Variants in RBFOX2 observed in about 807,000 individuals in gnomAD.
The protein encoded by RBFOX2 is RNA binding fox-1 homolog 2.
A neutral mutation model predicts 49.1 loss-of-function variants in RBFOX2; 10 were observed. The ratio of observed to expected loss-of-function variants is 0.20; its 90% CI spans 0.13 to 0.35. RBFOX2 has a LOEUF of 0.35. RBFOX2 is among the 10% of genes least tolerant of loss of function. The pLI, the probability that RBFOX2 is intolerant of heterozygous loss-of-function variation, is 1.00. For synonymous variants in RBFOX2, 183 were observed against 187.4 expected (o/e 0.98, Z 0.19); for missense variants, 323 against 486.9 (o/e 0.66, Z 3.17).
At chr22:35,904,121 G>A (rs974546476) in intron 1 of RBFOX2, among the ~76,000 whole-genome samples, 4 of 151,162 alleles carry the variant, frequency 2.6e-5, no homozygotes, top group Non-Finnish European at 2.9e-5. Context: ...ATCCCTCCTC[G>A]TTCCACCTTC....
chr22:35,897,337 G>A (rs771738955), intron 1 of RBFOX2: 49 of 1,391,390 alleles, frequency 3.5e-5, no homozygotes, highest in Non-Finnish European at 4.3e-5. Context: ...TGATGAAGCC[G>A]CAGCACCTCA....
At chr22:35,934,167 A>T (rs1400668483) in intron 1 of RBFOX2, among the ~76,000 whole-genome samples, 1 of 142,550 alleles carries the variant, frequency 7.0e-6, no homozygotes, top group Non-Finnish European at 1.5e-5. Flanking sequence ...GTTCCTCTTT[A>T]AAAAAAAAAA....
chr22:35,903,467 C>T (rs1368069980), intron 1 of RBFOX2, among the ~76,000 whole-genome samples: 1 of 152,124 alleles, frequency 6.6e-6, no homozygotes, highest in East Asian at 1.9e-4. Context: ...AATCCTGAGT[C>T]ATCTTCTCTA....
intron 1 of RBFOX2, among the ~76,000 whole-genome samples, chr22:35,846,416 A>C (rs901914649): frequency 6.7e-6 from 1 of 149,970 alleles, no homozygotes; most frequent in Non-Finnish European, 1.5e-5. Flanking sequence ...TGGAGAGCCT[A>C]ATATACTCTA....
intron 1 of RBFOX2, among the ~76,000 whole-genome samples, chr22:35,826,566 G>A (rs1186144651): frequency 1.3e-5 from 2 of 152,014 alleles, no homozygotes; most frequent in Non-Finnish European, 2.9e-5. Flanking sequence ...GATAGGCTAA[G>A]TAAAAGTAAA....
chr22:35,889,670 T>C (rs2047015836), intron 1 of RBFOX2, among the ~76,000 whole-genome samples: 2 of 152,178 alleles, frequency 1.3e-5, no homozygotes, highest in African/African-American at 4.8e-5. Context: ...TAGAATCTTT[T>C]AATGGCTTTT....
At chr22:35,764,379 T>G (rs1229191051) in intron 6 of RBFOX2, among the ~76,000 whole-genome samples, 1 of 151,690 alleles carries the variant, frequency 6.6e-6, no homozygotes, top group Admixed American at 6.6e-5. Context: ...GGTCAGGAGG[T>G]TGAGACCATC....
chr22:35,761,575 T>C, intron 6 of RBFOX2, 107 bp from the exon 8 acceptor site: 8 of 1,129,836 alleles, frequency 7.1e-6, no homozygotes, highest in Non-Finnish European at 1.1e-5. Flanking sequence ...TTTTGCCTAT[T>C]ATCAACTTCT....
At chr22:35,835,211 G>A (rs1433819452) in intron 1 of RBFOX2, among the ~76,000 whole-genome samples, 1 of 152,164 alleles carries the variant, frequency 6.6e-6, no homozygotes, top group African/African-American at 2.4e-5. Context: ...AAAAAAGAGT[G>A]AGGAATTATG....
intron 1 of RBFOX2, among the ~76,000 whole-genome samples, chr22:35,911,229 G>A (rs1223443447): frequency 6.6e-6 from 1 of 152,136 alleles, no homozygotes; most frequent in East Asian, 1.9e-4. Flanking sequence ...ATGGGTTGGG[G>A]GAAGGGAGAA....
intron 1 of RBFOX2, among the ~76,000 whole-genome samples, chr22:36,003,454 G>A (rs1009963146): frequency 6.6e-6 from 1 of 152,136 alleles, no homozygotes; most frequent in Non-Finnish European, 1.5e-5. Flanking sequence ...AAAAAAGGGG[G>A]AAAAAATTAG....
upstream of RBFOX2, among the ~76,000 whole-genome samples, chr22:35,943,636 C>T (rs758344586): frequency 1.8e-4 from 27 of 152,158 alleles, no homozygotes; most frequent in Non-Finnish European, 2.8e-4. Flanking sequence ...CGGTGGCTCA[C>T]GCCTGTAATC....
intron 1 of RBFOX2, among the ~76,000 whole-genome samples, chr22:35,936,034 A>C (rs565921358): frequency 6.6e-6 from 1 of 152,166 alleles, no homozygotes; most frequent in South Asian, 2.1e-4. Flanking sequence ...CTATTTAGGA[A>C]GGAACAGTGA....
chr22:35,939,047 T>C, upstream of RBFOX2: 3 of 777,618 alleles, frequency 3.9e-6, no homozygotes, highest in Non-Finnish European at 6.7e-6. Context: ...AGTGTATATA[T>C]CTCCTCGTTA....
rs145245495 is a variant in RBFOX2, at chr22:35,826,698, G to C, written c.27+13494C>G. Among the ~76,000 whole-genome samples, 22 of 152,232 alleles carry C rather than the reference G, an allele frequency of 1.4e-4. No homozygotes were observed. In the East Asian group the frequency reaches 4.0e-3, roughly 28 times the overall value. ...CAGGGCATATGCTCCAAGACTCTCA[G>C]TAGATTCCTAACACTGCAGATAGCA... On this transcript the variant is annotated intron_variant, in intron 1 of 11. Transcript: ENST00000405409.
intron 1 of RBFOX2, among the ~76,000 whole-genome samples, chr22:35,825,735 C>T (rs1275736314): frequency 6.6e-6 from 1 of 152,018 alleles, no homozygotes; most frequent in Non-Finnish European, 1.5e-5. Context: ...AATCCCAGCA[C>T]TCTGGGAGGC....
chr22:35,930,456 AATT>A (rs2052259165), intron 1 of RBFOX2, among the ~76,000 whole-genome samples: 1 of 152,156 alleles, frequency 6.6e-6, no homozygotes, highest in South Asian at 2.1e-4. Context: ...TAGTCATAAT[AATT>A]ATTATATATT....
intron 1 of RBFOX2, among the ~76,000 whole-genome samples, chr22:35,833,618 T>C (rs1957167257): frequency 6.6e-6 from 1 of 152,268 alleles, no homozygotes; most frequent in South Asian, 2.1e-4. Context: ...ATACATAATA[T>C]GAATAATTAT....
exon 2 of RBFOX2, chr22:35,809,900 C>T (rs551390901): frequency 1.9e-6 from 3 of 1,614,022 alleles, no homozygotes; most frequent in Non-Finnish European, 2.5e-6. Context: ...GAGTGTGTGG[C>T]ACCCCATACT....
Sources: allele counts gnomAD v4.1 joint callset (sites outside exome capture counted in the v4.1 genomes callset), GRCh38; gene constraint gnomAD v4.1.1; transcripts MANE v1.5; gene names NCBI Gene and HGNC (gene_info 2026-07-23, HGNC 2026-07-21).